ZNF148: variants seen among roughly 807,000 people sequenced by gnomAD.
ZNF148 encodes Beta-Enolase Repressor Factor-1.
In ZNF148, 7 loss-of-function variants were observed where a neutral mutation model predicts 67.7. That is an observed-to-expected ratio of 0.10 (90% CI 0.06 to 0.19). ZNF148 has a LOEUF of 0.19. Among genes scored for constraint, ZNF148 ranks in the 10% least tolerant of loss-of-function variants. ZNF148 has a pLI of 1.00. For missense variants in ZNF148, 583 were observed against 947.1 expected (o/e 0.62, Z 5.05); for synonymous variants, 333 against 330.7 (o/e 1.01, Z -0.08).
chr3:125,243,191 T>C (rs1321987211), intron 7 of ZNF148, among the ~76,000 whole-genome samples: 2 of 152,224 alleles, frequency 1.3e-5, no homozygotes, highest in Non-Finnish European at 2.9e-5. Flanking sequence ...GATTTCCTCA[T>C]ATGGGATTTT....
intron 2 of ZNF148, among the ~76,000 whole-genome samples, chr3:125,324,298 C>T (rs746277840): frequency 1.3e-5 from 2 of 152,038 alleles, no homozygotes; most frequent in Non-Finnish European, 2.9e-5. Flanking sequence ...ACAGAACTAA[C>T]GCATGCCAAA....
chr3:125,359,760 T>C (rs947724394), intron 1 of ZNF148, among the ~76,000 whole-genome samples: 4 of 152,258 alleles, frequency 2.6e-5, no homozygotes, highest in Admixed American at 6.5e-5. Context: ...TAGACTGTTC[T>C]TATTTGCACA....
At chr3:125,283,634 T>G (rs1938507667) in intron 5 of ZNF148, among the ~76,000 whole-genome samples, 1 of 152,184 alleles carries the variant, frequency 6.6e-6, no homozygotes, top group South Asian at 2.1e-4. Flanking sequence ...TATTCCATAC[T>G]TCCTGTTTGC....
Position 125,233,424 on chromosome 3 carries a change from A to G in ZNF148, c.1302T>C (p.Ala434=). ...CAGCATTGCCTTCTGAGTCCAGTAAAGCCTGTTTATCCACAAGTTCAAAAG... is the reference window on the plus strand; with the variant it reads ...CAGCATTGCCTTCTGAGTCCAGTAAGGCCTGTTTATCCACAAGTTCAAAAG... ...KYAFELVDKQ[A]LLDSEGNADI... Residue 434 remains alanine (A), a synonymous_variant, in exon 9 of 9, where the codon GCT becomes GCC. Coordinates refer to ENST00000360647, the MANE Select transcript of ZNF148 (RefSeq NM_021964.3). The surrounding 1 kb of genome is among the most constrained non-coding windows in gnomAD (Gnocchi z 5.1). 6.2e-7 allele frequency: 1 copy of G among 1,613,938 alleles called. No individual in the cohort carries two copies. The highest frequency in any genetic ancestry group is 1.3e-5 in the African/African-American group (1 of 75,036).
rs562866655 is a variant in ZNF148, at chr3:125,362,438, CA to C, written c.-234+12663del. Among the ~76,000 whole-genome samples, 5 of 152,192 alleles carry C rather than the reference CA, an allele frequency of 3.3e-5. 1 individual carries two copies. In the South Asian group the frequency reaches 1.0e-3, roughly 32 times the overall value. ...TCTTCCAACCCACTCAGTAAACCAC[CA>C]TGCACCCTGGTCTCTGAACTGCTCT... On this transcript the variant is annotated intron_variant, in intron 1 of 8. Coordinates refer to ENST00000360647, the MANE Select transcript of ZNF148 (RefSeq NM_021964.3).
At chr3:125,336,601 T>A (rs1042429438) in intron 1 of ZNF148, among the ~76,000 whole-genome samples, 1 of 151,832 alleles carries the variant, frequency 6.6e-6, no homozygotes, top group African/African-American at 2.4e-5. Context: ...AATGGCCTAA[T>A]AGTATATTTT....
At chr3:125,351,380 CAAAAAAAAAA>C (rs1158167448) in intron 1 of ZNF148, among the ~76,000 whole-genome samples, 2 of 51,352 alleles carry the variant, frequency 3.9e-5, no homozygotes, top group Non-Finnish European at 6.6e-5. Context: ...CCTTGTTTCT[CAAAAAAAAAA>C]AAAAAAAAAA....
At chr3:125,342,522 C>T (rs1210592004) in intron 1 of ZNF148, among the ~76,000 whole-genome samples, 2 of 151,610 alleles carry the variant, frequency 1.3e-5, no homozygotes, top group African/African-American at 4.8e-5. Flanking sequence ...ACTGGGAATT[C>T]TATATCCAGT....
At chr3:125,350,840 A>G (rs987624152) in intron 1 of ZNF148, among the ~76,000 whole-genome samples, 4 of 152,196 alleles carry the variant, frequency 2.6e-5, no homozygotes, top group Admixed American at 6.5e-5. Flanking sequence ...ACACACACAC[A>G]ATGGAACATT....
chr3:125,368,876 C>T (rs1942780697), intron 1 of ZNF148, among the ~76,000 whole-genome samples: 1 of 151,828 alleles, frequency 6.6e-6, no homozygotes, highest in Non-Finnish European at 1.5e-5. Flanking sequence ...ACCTGGGAGG[C>T]AGAGGTTGCA....
chr3:125,227,393 G>A lies in ZNF148; in HGVS notation c.*4948C>T, dbSNP rs1380649105. The A allele has an allele frequency of 6.6e-6, 1 of 152,526 alleles. No individual in the cohort carries two copies. Among genetic ancestry groups the A allele is most frequent in the African/African-American group, 2.4e-5 (1 of 41,396 alleles). 9.4% of individuals were successfully genotyped at this position (152,526 alleles called of 1,614,324 possible). A position where few individuals can be genotyped will look rare whatever the true frequency, so the allele number is the denominator to read the frequency against. ...GTTGAAATACAAAGAAGGCATAGGG[G>A]ATCCCAGGAAAATAACACTATATAT... On this transcript the variant is annotated 3_prime_UTR_variant, in exon 9 of 9. Coordinates refer to ENST00000360647, the MANE Select transcript of ZNF148 (RefSeq NM_021964.3).
intron 7 of ZNF148, among the ~76,000 whole-genome samples, chr3:125,268,176 C>T (rs1579662356): frequency 1.3e-5 from 2 of 149,304 alleles, no homozygotes; most frequent in African/African-American, 2.5e-5. Flanking sequence ...CCATTCCTAT[C>T]GAACTACTAA....
At chr3:125,342,312 A>AC (rs1168054250) in intron 1 of ZNF148, among the ~76,000 whole-genome samples, 1 of 151,966 alleles carries the variant, frequency 6.6e-6, no homozygotes, top group East Asian at 1.9e-4. Flanking sequence ...ATTCACTCTA[A>AC]CATCATAATT....
intron 4 of ZNF148, among the ~76,000 whole-genome samples, chr3:125,308,908 A>T (rs539316135): frequency 1.3e-5 from 2 of 152,238 alleles, no homozygotes; most frequent in Admixed American, 6.5e-5. Context: ...ACTAAACATT[A>T]ATCAATAGGG....
intron 2 of ZNF148, among the ~76,000 whole-genome samples, 167 bp from the exon 3 acceptor site, chr3:125,323,611 G>C (rs567945456): frequency 6.6e-6 from 1 of 152,218 alleles, no homozygotes; most frequent in African/African-American, 2.4e-5. Flanking sequence ...TTTGAAATTG[G>C]GAAAATACAA....
chr3:125,280,043 T>C (rs567207718), intron 5 of ZNF148, among the ~76,000 whole-genome samples: 38 of 152,242 alleles, frequency 2.5e-4, no homozygotes, highest in Non-Finnish European at 4.3e-4. Flanking sequence ...ATGGTAGAAT[T>C]TATGGTCTGT....
chr3:125,349,809 A>G (rs1942071974), intron 1 of ZNF148, among the ~76,000 whole-genome samples: 1 of 152,214 alleles, frequency 6.6e-6, no homozygotes, highest in Non-Finnish European at 1.5e-5. Flanking sequence ...CCACTGCACT[A>G]CAGCTCAGAT....
chr3:125,364,054 C>T (rs1422422467), intron 1 of ZNF148, among the ~76,000 whole-genome samples: 1 of 152,144 alleles, frequency 6.6e-6, no homozygotes. Flanking sequence ...CTTATTTACC[C>T]GTTCAAAAAT....
intron 1 of ZNF148, among the ~76,000 whole-genome samples, chr3:125,353,714 CA>C (rs1367364251): frequency 1.1e-4 from 16 of 151,762 alleles, no homozygotes; most frequent in Admixed American, 3.3e-4. Context: ...CTTGGTCTCC[CA>C]TAGTGTAGGG....
Sources: allele counts gnomAD v4.1 joint callset (sites outside exome capture counted in the v4.1 genomes callset), GRCh38; gene constraint gnomAD v4.1.1; non-coding constraint Gnocchi (gnomAD v3.1); transcripts MANE v1.5; gene names NCBI Gene and HGNC (gene_info 2026-07-23, HGNC 2026-07-21).